The following MYO5B variants were observed in gnomAD, a reference collection of about 807,000 sequenced individuals.
MYO5B encodes unconventional myosin-Vb.
Under a neutral mutation model 229.3 loss-of-function variants are expected in MYO5B, and 143 were observed. The observed-to-expected ratio is 0.62, with a 90% CI of 0.54 to 0.72. The LOEUF is 0.72. MYO5B is among the 30% of genes least tolerant of loss of function. MYO5B has a pLI of 0.00. For synonymous variants in MYO5B, 918 were observed against 885.2 expected (o/e 1.04, Z -0.66); for missense variants, 2,321 against 2,331.0 (o/e 1.00, Z 0.09).
intron 1 of MYO5B, among the ~76,000 whole-genome samples, chr18:50,151,219 C>T (rs1457810970): frequency 6.6e-6 from 1 of 152,174 alleles, no homozygotes; most frequent in Non-Finnish European, 1.5e-5. Flanking sequence ...AATACATGTA[C>T]CAAGGCTTTG....
Position 49,955,865 on chromosome 18 carries a change from C to T in MYO5B, c.1546-1430G>A, listed in dbSNP as rs745514717. 5.3e-4 allele frequency among the ~76,000 whole-genome samples: 80 copies of T among 152,236 alleles called. No homozygotes were observed. In the Middle Eastern group the frequency reaches 0.02, roughly 39 times the overall value. On this transcript the variant is annotated intron_variant, in intron 12 of 39. Coordinates refer to ENST00000285039, the MANE Select transcript of MYO5B (RefSeq NM_001080467.3). Reference sequence around the variant, plus strand: ...GTCTTCCCAGTATGGCTGTCAGGACCGGGTGGGACAGAGGACGAACACAAG... The same window carrying T: ...GTCTTCCCAGTATGGCTGTCAGGACTGGGTGGGACAGAGGACGAACACAAG...
At chr18:50,101,179 G>A (rs1006598901) in intron 1 of MYO5B, among the ~76,000 whole-genome samples, 1 of 152,200 alleles carries the variant, frequency 6.6e-6, no homozygotes, top group Non-Finnish European at 1.5e-5. Context: ...GGTGATAGAT[G>A]ACGAGTATGT....
chr18:50,053,017 G>A (rs1283401027), intron 2 of MYO5B, among the ~76,000 whole-genome samples: 1 of 152,150 alleles, frequency 6.6e-6, no homozygotes, highest in East Asian at 1.9e-4. Context: ...GGCTGCTGGG[G>A]CAGATTTTCC....
chr18:50,015,614 G>A (rs1447565618), intron 4 of MYO5B, among the ~76,000 whole-genome samples: 1 of 152,198 alleles, frequency 6.6e-6, no homozygotes, highest in African/African-American at 2.4e-5. Flanking sequence ...TGGCGCAGCA[G>A]GTGTGCCCAG....
At chr18:50,141,051 C>A (rs911958598) in intron 1 of MYO5B, among the ~76,000 whole-genome samples, 2 of 152,194 alleles carry the variant, frequency 1.3e-5, no homozygotes, top group Admixed American at 1.3e-4. Context: ...TGGTTTACTG[C>A]CACATGGCTG....
At chr18:50,018,703 T>C (rs2026242682) in intron 4 of MYO5B, among the ~76,000 whole-genome samples, 1 of 152,212 alleles carries the variant, frequency 6.6e-6, no homozygotes, top group Non-Finnish European at 1.5e-5. Context: ...CAGCTAGCTC[T>C]GGCATCCAGG....
intron 1 of MYO5B, among the ~76,000 whole-genome samples, chr18:50,134,717 T>A (rs1281325667): frequency 6.6e-6 from 1 of 152,116 alleles, no homozygotes; most frequent in Non-Finnish European, 1.5e-5. Flanking sequence ...AGACACTCCA[T>A]CCACCTGCTG....
chr18:50,161,606 G>A (rs1238482121), intron 1 of MYO5B, among the ~76,000 whole-genome samples: 4 of 152,180 alleles, frequency 2.6e-5, no homozygotes, highest in East Asian at 1.9e-4. Flanking sequence ...CATGCAGCCC[G>A]ACCCTGCTAG....
In MYO5B at chr18:49,894,935, G is replaced by C; in HGVS notation, c.3045+6C>G. On this transcript the variant is annotated splice_donor_region_variant and intron_variant, in intron 22 of 39. Transcript: ENST00000285039. ...GCCAGCGCCTGCCCCTCTGGCCTGA[G>C]CATACCTTCCTCAGCTCATCTTTCT... 1 of 1,611,676 alleles carries C rather than the reference G, an allele frequency of 6.2e-7. No homozygotes were observed. The highest frequency in any genetic ancestry group is 8.5e-7 in the Non-Finnish European group (1 of 1,179,794).
At chr18:50,172,498 T>C (rs765697337) in intron 1 of MYO5B, among the ~76,000 whole-genome samples, 3 of 152,166 alleles carry the variant, frequency 2.0e-5, no homozygotes, top group Non-Finnish European at 4.4e-5. Flanking sequence ...AAGCCCAGTA[T>C]TCAAGCAAGA....
chr18:49,888,024 T>C (rs1008139755), intron 22 of MYO5B, among the ~76,000 whole-genome samples: 2 of 152,084 alleles, frequency 1.3e-5, no homozygotes, highest in Non-Finnish European at 2.9e-5. Context: ...CAGTCTAATA[T>C]AGTAGTTGCC....
chr18:49,916,607 T>C (rs1342388707), intron 17 of MYO5B, among the ~76,000 whole-genome samples: 1 of 152,118 alleles, frequency 6.6e-6, no homozygotes, highest in Non-Finnish European at 1.5e-5. Context: ...AGACAGGGTG[T>C]GCAGAGAGGC....
At chr18:50,047,752 A>G (rs2030272782) in intron 2 of MYO5B, among the ~76,000 whole-genome samples, 1 of 152,258 alleles carries the variant, frequency 6.6e-6, no homozygotes, top group Admixed American at 6.5e-5. Context: ...ATGGAATACT[A>G]TGCAGCCATA....
chr18:50,142,046 A>T, intron 1 of MYO5B, among the ~76,000 whole-genome samples: 1 of 152,314 alleles, frequency 6.6e-6, no homozygotes, highest in South Asian at 2.1e-4. Flanking sequence ...CAACCAAGTA[A>T]TTCTCCAGCT....
intron 17 of MYO5B, among the ~76,000 whole-genome samples, chr18:49,929,000 T>C (rs1339624338): frequency 6.6e-6 from 1 of 152,118 alleles, no homozygotes; most frequent in Non-Finnish European, 1.5e-5. Context: ...TAAAAGACTA[T>C]ACATTAGGTA....
At chr18:49,853,748 C>T in intron 30 of MYO5B, 101 bp from the exon 31 acceptor site, 2 of 1,100,880 alleles carry the variant, frequency 1.8e-6, no homozygotes, top group Non-Finnish European at 2.7e-6. Flanking sequence ...AAGCACACAG[C>T]AGCAGCGGTT....
chr18:50,038,299 C>G (rs2029899864), intron 3 of MYO5B, among the ~76,000 whole-genome samples: 1 of 152,188 alleles, frequency 6.6e-6, no homozygotes, highest in Non-Finnish European at 1.5e-5. Flanking sequence ...GATGGGAAGT[C>G]TCCGACATTG....
chr18:49,835,918 A>G (rs1421413301), intron 38 of MYO5B, among the ~76,000 whole-genome samples: 1 of 152,190 alleles, frequency 6.6e-6, no homozygotes, highest in Non-Finnish European at 1.5e-5. Context: ...GACTGCCCAA[A>G]TGCAATGCCA....
At chr18:50,147,634 C>T (rs2032525892) in intron 1 of MYO5B, among the ~76,000 whole-genome samples, 1 of 152,166 alleles carries the variant, frequency 6.6e-6, no homozygotes, top group Admixed American at 6.5e-5. Context: ...TATGGCTTTC[C>T]ATGGCTTTAA....
Sources: gnomAD v4.1 joint callset for allele counts (sites outside exome capture counted in the v4.1 genomes callset) on GRCh38, gnomAD v4.1.1 for gene constraint, MANE v1.5 for transcripts, NCBI Gene and HGNC (gene_info 2026-07-23, HGNC 2026-07-21) for gene names.